STEAP1B: variants seen among roughly 807,000 people sequenced by gnomAD.
The protein encoded by STEAP1B is STEAP family protein MGC87042.
Under a neutral mutation model 27.9 loss-of-function variants are expected in STEAP1B, and 13 were observed. The observed-to-expected ratio is 0.47, with a 90% confidence interval of 0.30 to 0.74. The LOEUF (loss-of-function observed/expected upper bound fraction) is 0.74, where lower values mean the gene tolerates loss of function less well. STEAP1B is among the 30% of genes least tolerant of loss of function. The pLI, the probability that STEAP1B is intolerant of heterozygous loss-of-function variation, is 0.06. For synonymous variants in STEAP1B, 86 were observed against 107.1 expected, an observed-to-expected ratio of 0.80 and a Z score of 1.22; for missense variants, 250 against 298.7, an observed-to-expected ratio of 0.84 and a Z score of 1.20.
intron 4 of STEAP1B, among the ~76,000 whole-genome samples, chr7:22,469,652 T>C (rs993250446): frequency 6.6e-6 from 1 of 151,892 alleles, no homozygotes; most frequent in Non-Finnish European, 1.5e-5. Flanking sequence ...TTCAATAGAG[T>C]AGCATGCTCA....
rs1159320719 is a variant in STEAP1B at position 22,456,979 on chromosome 7, T to A, written c.762+35586A>T. Among the ~76,000 whole-genome samples the A allele has an allele frequency of 5.5e-3, 569 of 103,474 alleles. 43 individuals carry two copies. The highest frequency in any genetic ancestry group is 7.2e-3 in the Non-Finnish European group (365 of 50,904). 67.9% of individuals were successfully genotyped at this position (103,474 alleles called of 152,430 possible). A position where few individuals can be genotyped will look rare whatever the true frequency, so the allele number is the denominator to read the frequency against. Reference sequence around the variant, plus strand: ...ATATATATATATATATATATTTTTTTTTTTTTTAAGTATCCTGGGTGGTTC... The same window carrying A: ...ATATATATATATATATATATTTTTTATTTTTTTAAGTATCCTGGGTGGTTC... On this transcript the variant is annotated intron_variant, in intron 4 of 4. Coordinates refer to ENST00000678116, the MANE Select transcript of STEAP1B (RefSeq NM_001382447.1).
At chr7:22,426,119 G>C (rs527802237) in intron 4 of STEAP1B, among the ~76,000 whole-genome samples, 1 of 152,306 alleles carries the variant, frequency 6.6e-6, no homozygotes, top group African/African-American at 2.4e-5. Context: ...AGAAATCCTA[G>C]GGTCTGGTCT....
chr7:22,462,314 C>G (rs572140626), intron 4 of STEAP1B, among the ~76,000 whole-genome samples: 2 of 147,572 alleles, frequency 1.4e-5, no homozygotes, highest in African/African-American at 5.0e-5. Context: ...ATGTGCCATG[C>G]TGGTGTGCTG....
chr7:22,427,844 A>C (rs1785128171), intron 4 of STEAP1B, among the ~76,000 whole-genome samples: 1 of 152,276 alleles, frequency 6.6e-6, no homozygotes, highest in Non-Finnish European at 1.5e-5. Context: ...TAATGAGGAA[A>C]GGTACGAGTA....
At chr7:22,426,703 T>C (rs1161203945) in intron 4 of STEAP1B, among the ~76,000 whole-genome samples, 1 of 152,224 alleles carries the variant, frequency 6.6e-6, no homozygotes, top group Non-Finnish European at 1.5e-5. Flanking sequence ...GAACACCTAT[T>C]AGTGCCTGTC....
In STEAP1B at chr7:22,493,598, T is replaced by G; in HGVS notation, c.323A>C (p.Lys108Thr). The change falls in exon 3 of 5, where the codon AAA becomes ACA. Residue 108 changes from lysine (K) to threonine (T), a missense_variant. Physicochemically the swap from Lys to Thr is moderately conservative, Grantham distance 78 (BLOSUM62 -1). Coordinates refer to ENST00000678116, the MANE Select transcript of STEAP1B (RefSeq NM_001382447.1). ...TTTGTTGATGACCAGGATTGGAATT[T>G]TATAAAAATATTGTTGATGGGAAGT... ...LATSHQQYFY[K>T]IPILVINKVL... 2 of 1,613,956 alleles carry G rather than the reference T, an allele frequency of 1.2e-6. No individual in the cohort carries two copies. The highest frequency in any genetic ancestry group is 1.7e-6 in the Non-Finnish European group (2 of 1,179,848).
chr7:22,446,837 T>C (rs1785416420), intron 4 of STEAP1B, among the ~76,000 whole-genome samples: 1 of 152,162 alleles, frequency 6.6e-6, no homozygotes, highest in Non-Finnish European at 1.5e-5. Flanking sequence ...CACCCCACAA[T>C]GGTGCTGTGA....
chr7:22,466,851 G>T (rs1423698740), intron 4 of STEAP1B, among the ~76,000 whole-genome samples: 2 of 152,164 alleles, frequency 1.3e-5, no homozygotes, highest in Non-Finnish European at 2.9e-5. Flanking sequence ...CTGGGTTCAG[G>T]TCCAAGCCCT....
At chr7:22,437,630 T>C (rs1785271202) in intron 4 of STEAP1B, among the ~76,000 whole-genome samples, 6 of 151,938 alleles carry the variant, frequency 3.9e-5, no homozygotes, top group Admixed American at 3.3e-4. Context: ...AGAAGTAGAA[T>C]TGCTGGATCA....
chr7:22,446,443 C>A (rs542218415), intron 4 of STEAP1B, among the ~76,000 whole-genome samples: 49 of 152,344 alleles, frequency 3.2e-4, no homozygotes, highest in African/African-American at 9.9e-4. Flanking sequence ...CCCAGAAAGA[C>A]AGAATCGGGA....
intron 4 of STEAP1B, among the ~76,000 whole-genome samples, chr7:22,481,510 A>C (rs960697542): frequency 1.4e-4 from 22 of 152,298 alleles, no homozygotes; most frequent in Middle Eastern, 6.8e-3. Flanking sequence ...ATCACCTGAG[A>C]GCTGTCAGAA....
intron 4 of STEAP1B, among the ~76,000 whole-genome samples, chr7:22,474,526 G>C (rs1785939025): frequency 6.6e-6 from 1 of 152,212 alleles, no homozygotes; most frequent in Non-Finnish European, 1.5e-5. Flanking sequence ...GCAGCTACAG[G>C]GGTTCAAAAT....
intron 4 of STEAP1B, among the ~76,000 whole-genome samples, chr7:22,463,343 G>A (rs1179737806): frequency 6.6e-6 from 1 of 152,082 alleles, no homozygotes; most frequent in African/African-American, 2.4e-5. Context: ...ATGCTCATGG[G>A]TAGGAAGAAT....
At chr7:22,457,349 T>C (rs1250249256) in intron 4 of STEAP1B, among the ~76,000 whole-genome samples, 2 of 151,820 alleles carry the variant, frequency 1.3e-5, no homozygotes, top group Non-Finnish European at 2.9e-5. Context: ...ATGAGCCAAC[T>C]GTATTCCTTT....
chr7:22,483,373 C>T (rs1482673927), intron 4 of STEAP1B, among the ~76,000 whole-genome samples: 3 of 152,188 alleles, frequency 2.0e-5, no homozygotes, highest in African/African-American at 7.2e-5. Context: ...ATTACAAAAA[C>T]AGGAAACGTG....
At chr7:22,485,455 T>C (rs1358137915) in intron 4 of STEAP1B, among the ~76,000 whole-genome samples, 8 of 152,224 alleles carry the variant, frequency 5.3e-5, no homozygotes, top group South Asian at 4.1e-4. Flanking sequence ...CATGATGTTA[T>C]TGTACACTTA....
rs1179847980 is a variant in STEAP1B, at chr7:22,456,967, TATA to T, written c.762+35595_762+35597del. Among the ~76,000 whole-genome samples the T allele has an allele frequency of 3.2e-4, 16 of 49,518 alleles. 1 individual carries two copies. The highest frequency in any genetic ancestry group is 9.0e-4 in the African/African-American group (16 of 17,720). The allele number at this position is 49,518 out of a possible 152,430, so 32.5% of individuals were successfully genotyped here. ...GGATAGGCAGCTATATATATATATATATATATTTTTTTTTTTTTTAAGTATCCT... is the reference window on the plus strand; with the variant it reads ...GGATAGGCAGCTATATATATATATATTATTTTTTTTTTTTTTAAGTATCCT... On this transcript the variant is annotated intron_variant, in intron 4 of 4. Transcript: ENST00000678116.
chr7:22,438,803 T>A lies in STEAP1B; in HGVS notation c.763-18967A>T, dbSNP rs1367681761. The stretch of plus-strand genomic sequence containing the variant: ...ACATTTGGTGCCTGTGTAAAGTATG[T>A]GGGAATTAAAAGCCCTGTGATAAGT... On this transcript the variant is annotated intron_variant, in intron 4 of 4. Transcript: ENST00000678116. 4.0e-6 allele frequency: 6 copies of A among 1,504,616 alleles called. No individual in the cohort carries two copies. The African/African-American group carries it at 5.6e-5, about 14-fold the overall frequency. The allele number at this position is 1,504,616 out of a possible 1,614,324, so 93.2% of individuals were successfully genotyped here.
At chr7:22,426,751 C>A (rs992796168) in intron 4 of STEAP1B, among the ~76,000 whole-genome samples, 3 of 152,148 alleles carry the variant, frequency 2.0e-5, no homozygotes, top group Admixed American at 6.6e-5. Context: ...GTGAACACAG[C>A]AAGTAAGCCC....
Sources: allele counts gnomAD v4.1 joint callset (sites outside exome capture counted in the v4.1 genomes callset), GRCh38; gene constraint gnomAD v4.1.1; transcripts MANE v1.5; gene names NCBI Gene and HGNC (gene_info 2026-07-23, HGNC 2026-07-21).